The following SSUH2 variants were observed in gnomAD, a reference collection of about 807,000 sequenced individuals.
SSUH2 encodes the protein protein SSUH2 homolog.
In SSUH2, 47 loss-of-function variants were observed where a neutral mutation model predicts 55.3. The ratio of observed to expected loss-of-function variants is 0.85; its 90% confidence interval spans 0.67 to 1.08. The LOEUF is 1.08. Among genes scored for constraint, SSUH2 ranks in the 50% least tolerant of loss-of-function variants. The probability of loss-of-function intolerance (pLI) is 0.00; values close to 1 mark genes in which losing one functional copy is unlikely to be tolerated. For missense variants in SSUH2, 535 were observed against 490.7 expected, an observed-to-expected ratio of 1.09 and a Z score of -0.85; for synonymous variants, 212 against 191.5, an observed-to-expected ratio of 1.11 and a Z score of -0.89.
chr3:8,675,650 G>A (rs534715206), intron 3 of SSUH2, among the ~76,000 whole-genome samples: 25 of 152,300 alleles, frequency 1.6e-4, no homozygotes, highest in Non-Finnish European at 2.8e-4. Flanking sequence ...GAAGTCAGGC[G>A]AGAGACTTCT....
At chr3:8,623,366 G>A (rs905450985) in intron 11 of SSUH2, 183 bp downstream of exon 11, 31 of 505,218 alleles carry the variant, frequency 6.1e-5, no homozygotes, top group Non-Finnish European at 9.6e-5. Flanking sequence ...CTGCCTCTGC[G>A]TCTTACTTGC....
chr3:8,680,393 T>G (rs1384242647), intron 1 of SSUH2, among the ~76,000 whole-genome samples: 1 of 152,090 alleles, frequency 6.6e-6, no homozygotes, highest in Non-Finnish European at 1.5e-5. Flanking sequence ...CCTCTCGCTC[T>G]CTGGAGATTA....
intron 1 of SSUH2, among the ~76,000 whole-genome samples, chr3:8,681,322 G>A (rs1211687044): frequency 3.3e-5 from 5 of 150,480 alleles, no homozygotes; most frequent in Non-Finnish European, 7.4e-5. Context: ...CATCGCGGGG[G>A]TGGAGGCACC....
At chr3:8,623,485 G>GA in intron 11 of SSUH2, 64 bp downstream of exon 11, 1 of 1,010,958 alleles carries the variant, frequency 9.9e-7, no homozygotes. Context: ...ACGTTCTCAG[G>GA]AAAGAGGGCT....
rs1465340279 is a variant in SSUH2, at chr3:8,633,665, C to A, written c.339+1G>T. ...GCCCCCCACCGGCCCTGGCCTCTCA[C>A]CCTGCAGAGGGTCTGCCGCTTCAGC... On this transcript the variant is annotated splice_donor_variant, in intron 4 of 11. Transcript: ENST00000544814. LOFTEE classifies it high-confidence loss of function. 6.6e-7 allele frequency: 1 copy of A among 1,515,312 alleles called. No homozygotes were observed. The highest frequency in any genetic ancestry group is 8.8e-7 in the Non-Finnish European group (1 of 1,134,230). 93.9% of individuals were successfully genotyped at this position (1,515,312 alleles called of 1,614,324 possible). A position where few individuals can be genotyped will look rare whatever the true frequency, so the allele number is the denominator to read the frequency against.
chr3:8,667,711 T>A (rs1559526615), intron 5 of SSUH2, among the ~76,000 whole-genome samples: 1 of 152,142 alleles, frequency 6.6e-6, no homozygotes, highest in African/African-American at 2.4e-5. Flanking sequence ...TCAGCCCCTC[T>A]CCCCTCCTGG....
intron 1 of SSUH2, among the ~76,000 whole-genome samples, chr3:8,680,540 C>G (rs1172810340): frequency 1.3e-5 from 2 of 152,114 alleles, no homozygotes; most frequent in Non-Finnish European, 2.9e-5. Context: ...CCTGCGATAT[C>G]GTGTGTTATA....
At chr3:8,631,401 C>T (rs1008672645) in intron 5 of SSUH2, among the ~76,000 whole-genome samples, 1 of 151,778 alleles carries the variant, frequency 6.6e-6, no homozygotes, top group African/African-American at 2.4e-5. Flanking sequence ...AGACAGACAG[C>T]ACACCATCAC....
chr3:8,632,560 T>C (rs1426995170), intron 4 of SSUH2, among the ~76,000 whole-genome samples: 1 of 152,204 alleles, frequency 6.6e-6, no homozygotes, highest in Non-Finnish European at 1.5e-5. Context: ...CCTCTCCTTT[T>C]ACATGTGAGG....
At chr3:8,629,959 G>A (rs557200051) in intron 6 of SSUH2, among the ~76,000 whole-genome samples, 1 of 152,296 alleles carries the variant, frequency 6.6e-6, no homozygotes, top group South Asian at 2.1e-4. Context: ...ATCAAGGGGA[G>A]ACGTGTTCTG....
At chr3:8,642,666 G>A (rs952283456) in intron 1 of SSUH2, among the ~76,000 whole-genome samples, 4 of 152,224 alleles carry the variant, frequency 2.6e-5, no homozygotes, top group African/African-American at 9.6e-5. Context: ...TATCACTGGA[G>A]AAAGGTTTTC....
chr3:8,631,949 ATCTT>A, intron 5 of SSUH2, 96 bp downstream of exon 5: 1 of 924,162 alleles, frequency 1.1e-6, no homozygotes, highest in Non-Finnish European at 1.8e-6. Context: ...GCAGAAGACC[ATCTT>A]ATTTGAGATG....
rs200305195 is a variant in SSUH2, at chr3:8,632,036, A to C, written c.400+13T>G. ...TTGCCCCCAGTTAAACTAATTTCAG[A>C]CAATTCACTTACTAGTAAAGGGTTG... On this transcript the variant is annotated intron_variant, in intron 5 of 11. Coordinates refer to ENST00000544814, the MANE Select transcript of SSUH2 (RefSeq NM_001256748.3). 1 of 1,611,564 alleles carries C rather than the reference A, an allele frequency of 6.2e-7. No homozygotes were observed. The highest frequency in any genetic ancestry group is 1.3e-5 in the African/African-American group (1 of 74,956).
In SSUH2 at chr3:8,638,476, G is replaced by T. The variant is rs988581097; in HGVS notation, c.29-2619C>A. 5.3e-5 allele frequency among the ~76,000 whole-genome samples: 8 copies of T among 152,316 alleles called. 1 individual carries two copies. Among genetic ancestry groups the T allele is most frequent in the African/African-American group, 1.7e-4 (7 of 41,574 alleles). On this transcript the variant is annotated intron_variant, in intron 1 of 11. Transcript: ENST00000544814. Reference sequence around the variant, plus strand: ...AGAAAACACATCTTTGTGAGCCAATGGTCCTGCCACATTTTGACCGGAGTC... The same window carrying T: ...AGAAAACACATCTTTGTGAGCCAATTGTCCTGCCACATTTTGACCGGAGTC...
At chr3:8,671,779 A>G (rs1486985933) in intron 4 of SSUH2, 1 of 151,796 alleles carries the variant, frequency 6.6e-6, no homozygotes, top group African/African-American at 2.4e-5. Context: ...AGATCCTAGG[A>G]AAAATCCGGG....
chr3:8,653,801 C>T (rs1194278915), intron 7 of SSUH2, among the ~76,000 whole-genome samples: 2 of 152,170 alleles, frequency 1.3e-5, no homozygotes, highest in African/African-American at 4.8e-5. Context: ...AGTAAATGTA[C>T]CCGTGTGACC....
rs749188420 is a variant in SSUH2 at position 8,623,645 on chromosome 3, G to A, written c.885C>T (p.Ile295=). The change falls in exon 11 of 12, where the codon ATC becomes ATT. Residue 295 remains isoleucine, a synonymous_variant. Transcript: ENST00000544814. The part of the protein sequence containing the change: ...FKDENSVVYP[I]VDFPLRDISL... The stretch of plus-strand genomic sequence containing the variant: ...AGATGTCTCGCAGAGGGAAGTCCAC[G>A]ATGGGGTACACCTGGGGGAAAGAGA... 28 of 1,526,266 alleles carry A rather than the reference G, an allele frequency of 1.8e-5. No individual in the cohort carries two copies. Among genetic ancestry groups the A allele is most frequent in the Admixed American group, 6.0e-5 (3 of 50,278 alleles). 94.5% of individuals were successfully genotyped at this position (1,526,266 alleles called of 1,614,324 possible).
chr3:8,655,626 T>G (rs184004536), intron 7 of SSUH2, among the ~76,000 whole-genome samples: 1 of 152,290 alleles, frequency 6.6e-6, no homozygotes, highest in East Asian at 1.9e-4. Context: ...CCTCTGAAAA[T>G]ATTGACTTGG....
Position 8,680,238 on chromosome 3 carries a change from A to C in SSUH2, c.-1045-389T>G, listed in dbSNP as rs57619090. The stretch of plus-strand genomic sequence containing the variant: ...TTGGCAGCAACTGCCCTGCTAGTAC[A>C]AGAAGCAAAGAAGCTGACTCCTGGG... On this transcript the variant is annotated intron_variant, in intron 1 of 18. Coordinates refer to the SSUH2 transcript ENST00000317371. Among the ~76,000 whole-genome samples the C allele has an allele frequency of 4.6e-3, 704 of 152,178 alleles. 8 individuals carry two copies. Among genetic ancestry groups the C allele is most frequent in the African/African-American group, 0.016 (680 of 41,570 alleles).
Sources: allele counts gnomAD v4.1 joint callset (sites outside exome capture counted in the v4.1 genomes callset), GRCh38; gene constraint gnomAD v4.1.1; transcripts MANE v1.5; gene names NCBI Gene and HGNC (gene_info 2026-07-23, HGNC 2026-07-21).